Variants in SEMA6D observed in about 807,000 individuals in gnomAD.
SEMA6D encodes semaphorin-6D.
A neutral mutation model predicts 106.6 loss-of-function variants in SEMA6D; 35 were observed. That is an observed-to-expected ratio of 0.33 (90% confidence interval 0.25 to 0.44). The LOEUF (loss-of-function observed/expected upper bound fraction) is 0.44. Among genes scored for constraint, SEMA6D ranks in the 20% least tolerant of loss-of-function variants. SEMA6D has a pLI of 1.00. For missense variants in SEMA6D, 1,185 were observed against 1,345.9 expected (o/e 0.88, Z 1.87); for synonymous variants, 499 against 487.7 (o/e 1.02, Z -0.31).
chr15:47,739,432 C>T (rs868053880), intron 1 of SEMA6D, among the ~76,000 whole-genome samples: 1 of 152,136 alleles, frequency 6.6e-6, no homozygotes, highest in Non-Finnish European at 1.5e-5. Flanking sequence ...CTGCAGTATT[C>T]CACCACCCCC....
At chr15:47,760,178 C>A in intron 2 of SEMA6D, 126 bp from the exon 3 acceptor site, 1 of 684,956 alleles carries the variant, frequency 1.5e-6, no homozygotes, top group Non-Finnish European at 2.5e-6. Context: ...CATTTATATT[C>A]AAGACCTTAA....
At chr15:47,353,220 A>C (rs1209803710) in intron 1 of SEMA6D, among the ~76,000 whole-genome samples, 2 of 152,144 alleles carry the variant, frequency 1.3e-5, no homozygotes, top group Non-Finnish European at 2.9e-5. Flanking sequence ...CATTTCCTAA[A>C]GAGTTACGTG....
At chr15:47,373,123 G>A (rs1009450292) in intron 1 of SEMA6D, among the ~76,000 whole-genome samples, 3 of 152,096 alleles carry the variant, frequency 2.0e-5, no homozygotes, top group Non-Finnish European at 4.4e-5. Context: ...TGCATTGTCT[G>A]GCACAATGAC....
intron 4 of SEMA6D, among the ~76,000 whole-genome samples, chr15:47,615,429 A>G (rs967882191): frequency 6.6e-6 from 1 of 152,208 alleles, no homozygotes; most frequent in South Asian, 2.1e-4. Context: ...GACAACTTCC[A>G]TGACTCTAGT....
At chr15:47,572,468 A>G (rs1455350764) in intron 3 of SEMA6D, among the ~76,000 whole-genome samples, 2 of 152,190 alleles carry the variant, frequency 1.3e-5, no homozygotes, top group Admixed American at 6.5e-5. Context: ...CAGCTTCTGT[A>G]TTCGGCACAG....
chr15:47,589,393 C>G (rs1421712615), intron 3 of SEMA6D, among the ~76,000 whole-genome samples: 1 of 152,240 alleles, frequency 6.6e-6, no homozygotes, highest in African/African-American at 2.4e-5. Context: ...TCTGGCAGGC[C>G]TTCCTGTTCC....
rs187466516 is a variant in SEMA6D at position 47,734,514 on chromosome 15, T to C, written c.-55+16822T>C. ...CACGTAGCTGATCCTGACTTCTCCTTGTCACCAATGAAATTTACTCTGTAT... is the reference window on the plus strand; with the variant it reads ...CACGTAGCTGATCCTGACTTCTCCTCGTCACCAATGAAATTTACTCTGTAT... On this transcript the variant is annotated intron_variant, in intron 1 of 18. Transcript: ENST00000536845. 1.2e-4 allele frequency among the ~76,000 whole-genome samples: 18 copies of C among 152,278 alleles called. No individual in the cohort carries two copies. The East Asian group carries it at 3.5e-3, about 29-fold the overall frequency.
In SEMA6D at chr15:47,770,798, G is replaced by A. The variant is rs763973868; in HGVS notation, c.2235G>A (p.Arg745=). 1 of 1,613,978 alleles carries A rather than the reference G, an allele frequency of 6.2e-7. No homozygotes were observed. The highest frequency in any genetic ancestry group is 8.5e-7 in the Non-Finnish European group (1 of 1,179,966). Reference sequence around the variant, plus strand: ...TGTATAGTAACCTGCTAACCAGTCGGAAAGAGCTACCACCCAATGGAGATA... The same window carrying A: ...TGTATAGTAACCTGCTAACCAGTCGAAAAGAGCTACCACCCAATGGAGATA... ...PKLYSNLLTS[R]KELPPNGDTK... is the part of the protein sequence containing the mutation. The change falls in exon 19 of 19, where the codon CGG becomes CGA. Residue 745 remains arginine (R), a synonymous_variant. Transcript: ENST00000536845.
chr15:47,281,414 A>T (rs541157706), intron 1 of SEMA6D, among the ~76,000 whole-genome samples: 1 of 147,392 alleles, frequency 6.8e-6, no homozygotes, highest in African/African-American at 2.5e-5. Flanking sequence ...TTTTGAGCCT[A>T]TGTGTGTCTC....
intron 3 of SEMA6D, among the ~76,000 whole-genome samples, chr15:47,500,456 A>G (rs1340260391): frequency 6.6e-6 from 1 of 152,154 alleles, no homozygotes; most frequent in East Asian, 1.9e-4. Context: ...AATTTATTCC[A>G]TACTTTTATC....
chr15:47,461,425 C>T (rs138414947), intron 2 of SEMA6D, among the ~76,000 whole-genome samples: 171 of 152,128 alleles, frequency 1.1e-3, no homozygotes, highest in African/African-American at 3.9e-3. Flanking sequence ...GCACTGGAAA[C>T]ATCACCTAGC....
intron 1 of SEMA6D, among the ~76,000 whole-genome samples, chr15:47,195,901 C>T (rs1566919012): frequency 2.0e-5 from 3 of 149,162 alleles, no homozygotes; most frequent in Admixed American, 6.7e-5. Flanking sequence ...GGGGATTCAA[C>T]GTGGGTGAGC....
intron 3 of SEMA6D, among the ~76,000 whole-genome samples, chr15:47,563,114 T>C (rs1054013187): frequency 8.5e-5 from 13 of 152,188 alleles, no homozygotes; most frequent in African/African-American, 2.9e-4. Context: ...TGTATTTCAT[T>C]TATTTCATCT....
intron 3 of SEMA6D, among the ~76,000 whole-genome samples, chr15:47,589,194 C>T (rs538540914): frequency 6.6e-6 from 1 of 152,274 alleles, no homozygotes; most frequent in African/African-American, 2.4e-5. Flanking sequence ...CATGGCTAGA[C>T]AGCAGAGGGC....
intron 4 of SEMA6D, among the ~76,000 whole-genome samples, chr15:47,633,774 T>C (rs2077332501): frequency 6.6e-6 from 1 of 152,198 alleles, no homozygotes; most frequent in African/African-American, 2.4e-5. Flanking sequence ...ATAACTCTTT[T>C]GGTATTGTAC....
intron 1 of SEMA6D, among the ~76,000 whole-genome samples, chr15:47,185,159 G>A (rs1893474219): frequency 6.6e-6 from 1 of 152,154 alleles, no homozygotes; most frequent in Non-Finnish European, 1.5e-5. Context: ...CACAGACACC[G>A]CTCACCGGGC....
At chr15:47,640,263 C>T (rs574874891) in intron 4 of SEMA6D, among the ~76,000 whole-genome samples, 11 of 152,144 alleles carry the variant, frequency 7.2e-5, no homozygotes, top group South Asian at 2.1e-4. Context: ...TTCCCATGCA[C>T]GAGTCCTCGC....
At chr15:47,606,468 C>A (rs768233405) in intron 4 of SEMA6D, 1 of 152,132 alleles carries the variant, frequency 6.6e-6, no homozygotes, top group African/African-American at 2.4e-5. Context: ...TCTTATTATA[C>A]CACAAAGCCA....
intron 4 of SEMA6D, among the ~76,000 whole-genome samples, chr15:47,615,759 C>T (rs1344517732): frequency 6.6e-6 from 1 of 152,218 alleles, no homozygotes; most frequent in African/African-American, 2.4e-5. Context: ...TTATTTGACA[C>T]TCATGCAAGC....
Sources: allele counts gnomAD v4.1 joint callset (sites outside exome capture counted in the v4.1 genomes callset), GRCh38; gene constraint gnomAD v4.1.1; transcripts MANE v1.5; gene names NCBI Gene and HGNC (gene_info 2026-07-23, HGNC 2026-07-21).